Variants in OTOF observed in about 807,000 individuals in gnomAD.
OTOF encodes fer-1-like family member 2.
OTOF carries 218 observed loss-of-function variants against 236.8 expected under a neutral mutation model. The ratio of observed to expected loss-of-function variants is 0.92; its 90% CI spans 0.82 to 1.03. The LOEUF (loss-of-function observed/expected upper bound fraction) is 1.03, where lower values mean the gene tolerates loss of function less well. Among genes scored for constraint, OTOF ranks in the 50% least tolerant of loss-of-function variants. The probability of loss-of-function intolerance (pLI) is 0.00; values close to 1 mark genes in which losing one functional copy is unlikely to be tolerated. For missense variants in OTOF, 2,590 were observed against 2,694.4 expected (o/e 0.96, Z 0.86); for synonymous variants, 1,041 against 1,072.5 (o/e 0.97, Z 0.57).
At position 26,460,049 on chromosome 2, in the gene OTOF, C is replaced by G; in HGVS notation, c.5970G>C (p.Leu1990=). Residue 1990 remains leucine (L), a synonymous_variant, in exon 46 of 47, where the codon CTG becomes CTC. Transcript: ENST00000272371. This position sits in a 1 kb window ranked among gnomAD's most constrained non-coding sequence, Gnocchi z 5.3. The part of the protein sequence containing the change: ...ALFLYSVPGY[L]VKKILGA Reference sequence around the variant, plus strand: ...CTCAGGCCCCGAGGATTTTCTTGACCAGGTAGCCAGGCACAGAGTAGAGGA... The same window carrying G: ...CTCAGGCCCCGAGGATTTTCTTGACGAGGTAGCCAGGCACAGAGTAGAGGA... 1 of 1,571,734 alleles carries G rather than the reference C, an allele frequency of 6.4e-7. No homozygotes were observed. Among genetic ancestry groups the G allele is most frequent in the East Asian group, 2.3e-5 (1 of 43,292 alleles).
At chr2:26,553,499 C>T (rs1445091961) in intron 1 of OTOF, among the ~76,000 whole-genome samples, 2 of 152,176 alleles carry the variant, frequency 1.3e-5, no homozygotes, top group Admixed American at 6.5e-5. Flanking sequence ...TTACCCCCAC[C>T]GCTGGCCCTC....
rs146552124 is a variant in OTOF at position 26,464,905 on chromosome 2, C to T, written c.4924G>A (p.Val1642Ile). Residue 1642 changes from valine to isoleucine, a missense_variant, in exon 39 of 47, where the codon GTC (valine) becomes ATC (isoleucine). By Grantham distance (29) the Val-to-Ile change is conservative. Around this residue, in one of 2 missense-constraint regions of OTOF, gnomAD observed 1,211 missense variants for 1,352.8 expected, o/e 0.90. Transcript: ENST00000272371. ...PPGRVKVANR[V>I]FTGPSEIEDE... is the part of the protein sequence containing the mutation. ...TCAATCTCAGAGGGCCCAGTGAAGACGCGGTTGGCCACCTTCACTCTCCCA... is the reference window on the plus strand; with the variant it reads ...TCAATCTCAGAGGGCCCAGTGAAGATGCGGTTGGCCACCTTCACTCTCCCA... 84 of 1,597,812 alleles carry T rather than the reference C, an allele frequency of 5.3e-5. No individual in the cohort carries two copies. The highest frequency in any genetic ancestry group is 1.7e-4 in the Admixed American group (10 of 58,730).
intron 1 of OTOF, among the ~76,000 whole-genome samples, chr2:26,550,635 C>T (rs1196571837): frequency 2.0e-5 from 3 of 152,144 alleles, no homozygotes; most frequent in Non-Finnish European, 4.4e-5. Flanking sequence ...TCCCTGGGTC[C>T]GCGGTGGTCC....
rs780943281 is a variant in OTOF at position 26,461,008 on chromosome 2, G to A, written c.5556C>T (p.Asn1852=). 1 of 1,471,826 alleles carries A rather than the reference G, an allele frequency of 6.8e-7. No homozygotes were observed. Among genetic ancestry groups the A allele is most frequent in the East Asian group, 3.0e-5 (1 of 33,236 alleles). The allele number at this position is 1,471,826 out of a possible 1,614,324, so 91.2% of individuals were successfully genotyped here. The part of the protein sequence containing the change: ...DFLGAIELDL[N]RFPRGAKTAK... ...CTGTCTTTGCGCCCCGCGGGAACCG[G>A]TTCAGGTCCAGCTCGATGGCCCCTG... Residue 1852 remains asparagine, a synonymous_variant, in exon 44 of 47, where the codon AAC becomes AAT. Coordinates refer to ENST00000272371, the MANE Select transcript of OTOF (RefSeq NM_194248.3). The surrounding 1 kb of genome is among the most constrained non-coding windows in gnomAD (Gnocchi z 6.2).
At position 26,482,476 on chromosome 2, in the gene OTOF, G is replaced by A. The variant is rs776846493; in HGVS notation, c.1509C>T (p.Asp503=). ...TGCCGATGGCCACGTCGTTGACCTT[G>A]TCCGAGTCTCGGATCTGCACCTTCA... is the stretch of plus-strand genomic sequence containing the variant. ...KRMKVQIRDS[D]KVNDVAIGTH... is the part of the protein sequence containing the mutation. Residue 503 remains aspartate, a synonymous_variant, in exon 14 of 47, where the codon GAC becomes GAT. Transcript: ENST00000272371. 1 of 1,613,402 alleles carries A rather than the reference G, an allele frequency of 6.2e-7. No individual in the cohort carries two copies. Among genetic ancestry groups the A allele is most frequent in the Non-Finnish European group, 8.5e-7 (1 of 1,180,020 alleles).
rs114176368 is a variant in OTOF, at chr2:26,510,845, G to A, written c.509+5573C>T. On this transcript the variant is annotated intron_variant, in intron 5 of 46. Transcript: ENST00000272371. ...CAGCCCCGGCCCCACGGGCCTGCAC[G>A]CTCCCCGGGGGCCTCCTTGTCCCAC... 6.8e-3 allele frequency: 4,786 copies of A among 702,622 alleles called. 187 individuals are homozygous for A. In the African/African-American group the frequency reaches 0.083, roughly 12 times the overall value. The allele number at this position is 702,622 out of a possible 1,614,324, so 43.5% of individuals were successfully genotyped here. A position where few individuals can be genotyped will look rare whatever the true frequency, so the allele number is the denominator to read the frequency against.
At chr2:26,517,640 T>C (rs1490105030) in intron 4 of OTOF, among the ~76,000 whole-genome samples, 1 of 152,170 alleles carries the variant, frequency 6.6e-6, no homozygotes, top group Non-Finnish European at 1.5e-5. Flanking sequence ...AGTATGTTGT[T>C]ATGGGAAAAT....
At chr2:26,474,951 A>G (rs992917921) in intron 25 of OTOF, among the ~76,000 whole-genome samples, 1 of 151,826 alleles carries the variant, frequency 6.6e-6, no homozygotes, top group African/African-American at 2.4e-5. Context: ...GTATGTGAGA[A>G]GGTGGCTCGC....
intron 1 of OTOF, among the ~76,000 whole-genome samples, chr2:26,538,261 C>CT (rs1339172120): frequency 2.0e-5 from 3 of 152,220 alleles, no homozygotes; most frequent in Non-Finnish European, 4.4e-5. Flanking sequence ...GGTTCCTGCC[C>CT]AAACCAGGCC....
At chr2:26,542,885 C>A (rs140452047) in intron 1 of OTOF, among the ~76,000 whole-genome samples, 25 of 152,284 alleles carry the variant, frequency 1.6e-4, no homozygotes, top group African/African-American at 6.0e-4. Flanking sequence ...TTTGCCAGGG[C>A]CCAGCCCACT....
chr2:26,512,928 T>A (rs1156774041), intron 5 of OTOF, among the ~76,000 whole-genome samples: 3 of 150,998 alleles, frequency 2.0e-5, no homozygotes, highest in African/African-American at 7.3e-5. Context: ...GGGAGGGGGG[T>A]TCCCAATAGC....
rs1287424151 is a variant in OTOF, at chr2:26,462,297, C to A, written c.5193-116G>T. ...CTGGGGTCTTGGGGTCAGCACAGGG[C>A]CTGGGCCAGGCTGGGGCTGGAGGAG... On this transcript the variant is annotated intron_variant, in intron 41 of 46. Transcript: ENST00000272371. The surrounding 1 kb of genome is among the most constrained non-coding windows in gnomAD (Gnocchi z 4.7). 4.4e-6 allele frequency: 4 copies of A among 904,022 alleles called. No homozygotes were observed. The Admixed American group carries it at 5.2e-5, about 12-fold the overall frequency. The allele number at this position is 904,022 out of a possible 1,614,324, so 56.0% of individuals were successfully genotyped here.
chr2:26,481,172 G>T (rs1419225813), intron 14 of OTOF, among the ~76,000 whole-genome samples, 163 bp from the exon 15 acceptor site: 1 of 152,136 alleles, frequency 6.6e-6, no homozygotes, highest in African/African-American at 2.4e-5. Flanking sequence ...CTGCGCTGGG[G>T]TGGAGCACTC....
intron 8 of OTOF, among the ~76,000 whole-genome samples, chr2:26,495,288 T>A (rs1055127995): frequency 5.3e-4 from 81 of 152,016 alleles, no homozygotes; most frequent in African/African-American, 1.9e-3. Flanking sequence ...TATAGAGGAG[T>A]ATGAGTTGGC....
Position 26,483,598 on chromosome 2 carries a change from A to G in OTOF, c.1256T>C (p.Phe419Ser). ...GVPPERQWARFYVKIYRAEGL... is the reference protein window; with the variant it reads ...GVPPERQWARSYVKIYRAEGL... Reference sequence around the variant, plus strand: ...CTCTGCTCGGTAAATTTTCACATAGAACCGGGCCCACTGGCGTTCGGGGGG... The same window carrying G: ...CTCTGCTCGGTAAATTTTCACATAGGACCGGGCCCACTGGCGTTCGGGGGG... Residue 419 changes from phenylalanine to serine, a missense_variant, in exon 13 of 47, where the codon TTC becomes TCC. This residue lies in a region of OTOF where 1,379 missense variants were observed against 1,341.6 expected (regional missense o/e 1.03). Coordinates refer to ENST00000272371, the MANE Select transcript of OTOF (RefSeq NM_194248.3). 6.2e-7 allele frequency: 1 copy of G among 1,613,550 alleles called. No individual in the cohort carries two copies. The highest frequency in any genetic ancestry group is 8.5e-7 in the Non-Finnish European group (1 of 1,180,010).
chr2:26,553,668 C>A (rs1485041720), intron 1 of OTOF, among the ~76,000 whole-genome samples: 1 of 152,158 alleles, frequency 6.6e-6, no homozygotes, highest in Non-Finnish European at 1.5e-5. Flanking sequence ...TGAACTAAGA[C>A]CCTTCGGTGG....
intron 4 of OTOF, 99 bp from the exon 5 acceptor site, chr2:26,516,698 C>T: frequency 7.8e-7 from 1 of 1,283,106 alleles, no homozygotes; most frequent in Non-Finnish European, 1.1e-6. Context: ...CGCTTCCACA[C>T]CCTTGCCTCA....
chr2:26,500,700 G>A (rs577623079), intron 8 of OTOF, among the ~76,000 whole-genome samples: 1 of 152,184 alleles, frequency 6.6e-6, no homozygotes, highest in Non-Finnish European at 1.5e-5. Flanking sequence ...CTAAAACAAA[G>A]ATGAAGGGAG....
In OTOF at chr2:26,494,936, A is replaced by G. The variant is rs573740767; in HGVS notation, c.897+6T>C. On this transcript the variant is annotated splice_donor_region_variant and intron_variant, in intron 9 of 46. Coordinates refer to ENST00000272371, the MANE Select transcript of OTOF (RefSeq NM_194248.3). Reference sequence around the variant, plus strand: ...CAGAGGCTCCTTTCCCCACAGGGCCACTGACCTCGTTGTAATAGGGGCAGT... The same window carrying G: ...CAGAGGCTCCTTTCCCCACAGGGCCGCTGACCTCGTTGTAATAGGGGCAGT... 2 of 1,614,086 alleles carry G rather than the reference A, an allele frequency of 1.2e-6. No individual in the cohort carries two copies. Among genetic ancestry groups the G allele is most frequent in the South Asian group, 2.2e-5 (2 of 91,076 alleles).
Sources: allele counts gnomAD v4.1 joint callset (sites outside exome capture counted in the v4.1 genomes callset), GRCh38; gene constraint gnomAD v4.1.1; regional missense constraint gnomAD v4.1.1; non-coding constraint Gnocchi (gnomAD v3.1); transcripts MANE v1.5; gene names NCBI Gene and HGNC (gene_info 2026-07-23, HGNC 2026-07-21).